CNTNAP2: variants seen among roughly 807,000 people sequenced by gnomAD.
The protein encoded by CNTNAP2 is contactin-associated protein-like 2.
A neutral mutation model predicts 155.2 loss-of-function variants in CNTNAP2; 98 were observed. That is an observed-to-expected ratio of 0.63 (90% CI 0.54 to 0.75). CNTNAP2 has a LOEUF of 0.75. Among genes scored for constraint, CNTNAP2 ranks in the 30% least tolerant of loss-of-function variants. The probability of loss-of-function intolerance (pLI) is 0.00; values close to 1 mark genes in which losing one functional copy is unlikely to be tolerated. For missense variants in CNTNAP2, 1,727 were observed against 1,688.1 expected (o/e 1.02, Z -0.40); for synonymous variants, 651 against 631.2 (o/e 1.03, Z -0.47).
intron 3 of CNTNAP2, among the ~76,000 whole-genome samples, chr7:146,933,334 G>C (rs1444175191): frequency 6.6e-6 from 1 of 151,876 alleles, no homozygotes; most frequent in African/African-American, 2.4e-5. Flanking sequence ...ACAGGCAATG[G>C]GGAAAGGATT....
chr7:148,413,401 A>AAAAAAT (rs1442990213), intron 23 of CNTNAP2, among the ~76,000 whole-genome samples: 5 of 45,366 alleles, frequency 1.1e-4, no homozygotes, highest in Non-Finnish European at 1.7e-4. Flanking sequence ...TCAAAAAAAA[A>AAAAAAT]ATATATATAT....
chr7:148,341,566 G>T (rs1229471690), intron 21 of CNTNAP2, among the ~76,000 whole-genome samples: 1 of 152,168 alleles, frequency 6.6e-6, no homozygotes, highest in Admixed American at 6.5e-5. Context: ...TCAGAAAGGT[G>T]AAGTTACTAG....
intron 5 of CNTNAP2, among the ~76,000 whole-genome samples, chr7:147,108,945 G>A (rs531652386): frequency 9.9e-5 from 15 of 152,254 alleles, no homozygotes; most frequent in African/African-American, 2.4e-4. Flanking sequence ...GAAGGATGCC[G>A]CCGTGCATAA....
intron 1 of CNTNAP2, among the ~76,000 whole-genome samples, chr7:146,569,047 C>T (rs758132580): frequency 9.9e-5 from 15 of 151,892 alleles, no homozygotes; most frequent in African/African-American, 2.7e-4. Context: ...GAAGGAGTCT[C>T]GCTCTGTCGC....
intron 3 of CNTNAP2, among the ~76,000 whole-genome samples, chr7:146,998,405 C>A (rs1798352703): frequency 6.6e-6 from 1 of 151,960 alleles, no homozygotes; most frequent in South Asian, 2.1e-4. Flanking sequence ...CGTGATATGA[C>A]TTTAATCTTA....
chr7:146,565,254 C>T (rs1480675366), intron 1 of CNTNAP2, among the ~76,000 whole-genome samples: 1 of 146,860 alleles, frequency 6.8e-6, no homozygotes, highest in Non-Finnish European at 1.5e-5. Context: ...TATAGATCTA[C>T]TTATTCATGT....
At chr7:148,384,265 A>G (rs1799140020) in intron 22 of CNTNAP2, among the ~76,000 whole-genome samples, 1 of 152,104 alleles carries the variant, frequency 6.6e-6, no homozygotes, top group Non-Finnish European at 1.5e-5. Flanking sequence ...TTAAGAAGAG[A>G]TTTACCTAAA....
chr7:147,930,452 A>C (rs7789205), intron 14 of CNTNAP2, among the ~76,000 whole-genome samples: 4,377 of 152,310 alleles, frequency 0.029, 213 homozygotes, highest in African/African-American at 0.099. Flanking sequence ...AATAGATTTT[A>C]AGTCAAAAAC....
intron 1 of CNTNAP2, among the ~76,000 whole-genome samples, chr7:146,412,229 G>C (rs547378157): frequency 6.6e-6 from 1 of 152,178 alleles, no homozygotes; most frequent in Non-Finnish European, 1.5e-5. Flanking sequence ...CAGGAGCCAG[G>C]GACGTGGCCA....
At chr7:147,591,933 G>A (rs1800741867) in intron 12 of CNTNAP2, among the ~76,000 whole-genome samples, 1 of 152,116 alleles carries the variant, frequency 6.6e-6, no homozygotes, top group Non-Finnish European at 1.5e-5. Context: ...GTCTTTTTAA[G>A]TGACAGATTA....
At chr7:146,722,232 C>T (rs1383052802) in intron 1 of CNTNAP2, among the ~76,000 whole-genome samples, 2 of 151,834 alleles carry the variant, frequency 1.3e-5, no homozygotes, top group Non-Finnish European at 2.9e-5. Context: ...TCACTATTTT[C>T]TGAGCTGTAC....
At chr7:147,199,117 A>G (rs1802869656) in intron 8 of CNTNAP2, among the ~76,000 whole-genome samples, 1 of 152,026 alleles carries the variant, frequency 6.6e-6, no homozygotes, top group African/African-American at 2.4e-5. Context: ...GCACACCGTC[A>G]TGGCTGGCTA....
intron 1 of CNTNAP2, among the ~76,000 whole-genome samples, chr7:146,470,633 A>G (rs890218570): frequency 1.1e-4 from 17 of 152,096 alleles, no homozygotes; most frequent in Non-Finnish European, 2.5e-4. Flanking sequence ...ACAGTGGCAC[A>G]GTCTCGGCTC....
chr7:146,344,624 A>G (rs1041198870), intron 1 of CNTNAP2, among the ~76,000 whole-genome samples: 9 of 152,082 alleles, frequency 5.9e-5, no homozygotes, highest in African/African-American at 2.2e-4. Flanking sequence ...GACTACAGGC[A>G]TGGGCCACCA....
At chr7:147,814,494 T>C (rs1016812769) in intron 13 of CNTNAP2, among the ~76,000 whole-genome samples, 1 of 152,202 alleles carries the variant, frequency 6.6e-6, no homozygotes, top group African/African-American at 2.4e-5. Flanking sequence ...ATAATAGTCA[T>C]TCCTGATTAC....
intron 1 of CNTNAP2, among the ~76,000 whole-genome samples, chr7:146,380,756 A>G: frequency 6.6e-6 from 1 of 150,522 alleles, no homozygotes; most frequent in Admixed American, 6.6e-5. Flanking sequence ...TCAAAGAAAA[A>G]AAATATTTCT....
intron 1 of CNTNAP2, among the ~76,000 whole-genome samples, chr7:146,390,642 TA>T (rs367549376): frequency 8.2e-4 from 120 of 147,128 alleles, no homozygotes; most frequent in East Asian, 2.4e-3. Flanking sequence ...AAAATATATA[TA>T]TTTTTTCATG....
chr7:147,003,462 A>C (rs1276862343), intron 3 of CNTNAP2, among the ~76,000 whole-genome samples: 1 of 152,066 alleles, frequency 6.6e-6, no homozygotes, highest in African/African-American at 2.4e-5. Context: ...CAAATATCTA[A>C]TATTATTAAA....
At chr7:147,459,693 A>G (rs1424803373) in intron 10 of CNTNAP2, among the ~76,000 whole-genome samples, 1 of 152,204 alleles carries the variant, frequency 6.6e-6, no homozygotes, top group Admixed American at 6.5e-5. Flanking sequence ...TTGGAAAGGC[A>G]AGGAAACAGT....
Sources: gnomAD v4.1 joint callset for allele counts (sites outside exome capture counted in the v4.1 genomes callset) on GRCh38, gnomAD v4.1.1 for gene constraint, MANE v1.5 for transcripts, NCBI Gene and HGNC (gene_info 2026-07-23, HGNC 2026-07-21) for gene names.